Variants in TPGS2 observed in about 807,000 individuals in gnomAD.
TPGS2 encodes the protein tubulin polyglutamylase complex subunit 2.
A neutral mutation model predicts 31.1 loss-of-function variants in TPGS2; 26 were observed. The observed-to-expected ratio is 0.84, with a 90% CI of 0.61 to 1.16. The LOEUF (loss-of-function observed/expected upper bound fraction) is 1.16. Ranked by LOEUF, TPGS2 falls within the 50% of genes most tolerant of loss-of-function variation. The pLI is 0.00. For synonymous variants in TPGS2, 130 were observed against 136.6 expected (o/e 0.95, Z 0.34); for missense variants, 351 against 363.8 (o/e 0.96, Z 0.29).
At chr18:36,824,699 T>C (rs1045850234) in intron 1 of TPGS2, among the ~76,000 whole-genome samples, 2 of 152,234 alleles carry the variant, frequency 1.3e-5, no homozygotes, top group East Asian at 1.9e-4. Context: ...TCCTTTAAAA[T>C]TGAATTATTT....
intron 1 of TPGS2, among the ~76,000 whole-genome samples, chr18:36,820,551 A>G (rs551727246): frequency 5.3e-5 from 8 of 152,338 alleles, no homozygotes; most frequent in African/African-American, 1.7e-4. Flanking sequence ...TTCCATTTGT[A>G]TAATTCTCTG....
chr18:36,822,621 G>A (rs1419235208), intron 1 of TPGS2, among the ~76,000 whole-genome samples: 1 of 152,164 alleles, frequency 6.6e-6, no homozygotes, highest in East Asian at 1.9e-4. Flanking sequence ...TTAAGAGACA[G>A]GGTCTTGCTG....
At chr18:36,806,031 G>C (rs2045112763) in intron 3 of TPGS2, 1 of 152,106 alleles carries the variant, frequency 6.6e-6, no homozygotes, top group Non-Finnish European at 1.5e-5. Context: ...CTTGGTTCTA[G>C]TCTTCTGTGA....
intron 6 of TPGS2, chr18:36,787,203 T>C: frequency 9.4e-7 from 1 of 1,060,172 alleles, no homozygotes; most frequent in African/African-American, 1.6e-5. Context: ...GGGCCTTGTG[T>C]TCCTCTGTGT....
At chr18:36,783,337 A>G (rs1471808559) in intron 6 of TPGS2, among the ~76,000 whole-genome samples, 1 of 152,178 alleles carries the variant, frequency 6.6e-6, no homozygotes, top group Non-Finnish European at 1.5e-5. Context: ...CACTTGTAAG[A>G]TACTATTCCT....
Position 36,794,232 on chromosome 18 carries a change from G to T in TPGS2, c.*2573C>A. 1 of 959,300 alleles carries T rather than the reference G, an allele frequency of 1.0e-6. No homozygotes were observed. Among genetic ancestry groups the T allele is most frequent in the Non-Finnish European group, 1.2e-6 (1 of 806,238 alleles). The allele number at this position is 959,300 out of a possible 1,614,324, so 59.4% of individuals were successfully genotyped here. On this transcript the variant is annotated 3_prime_UTR_variant, in exon 7 of 7. Coordinates refer to ENST00000334295, the MANE Select transcript of TPGS2 (RefSeq NM_015476.4). ...ACATTACATTTTAGTACCTGTAAAG[G>T]TAATGTTTTCCTGCTGTTTGCACAA...
rs201069838 is a variant in TPGS2, at chr18:36,818,976, G to C, written c.86-3C>G. 5.0e-6 allele frequency: 8 copies of C among 1,610,174 alleles called. No individual in the cohort carries two copies. In the African/African-American group the frequency reaches 1.1e-4, roughly 22 times the overall value. On this transcript the variant is annotated splice_region_variant and splice_polypyrimidine_tract_variant and intron_variant, in intron 1 of 6. Coordinates refer to ENST00000334295, the MANE Select transcript of TPGS2 (RefSeq NM_015476.4). ...CTCAGTCACACCTGGGGAAGATTCTGGAAGAGAAAAAAGAGTCTGTAGAGT... is the reference window on the plus strand; with the variant it reads ...CTCAGTCACACCTGGGGAAGATTCTCGAAGAGAAAAAAGAGTCTGTAGAGT...
chr18:36,815,238 A>G (rs918274197), intron 2 of TPGS2, among the ~76,000 whole-genome samples: 11 of 152,166 alleles, frequency 7.2e-5, no homozygotes, highest in Admixed American at 2.6e-4. Context: ...TCCTGTGTCA[A>G]CATGCTCTTC....
At position 36,795,566 on chromosome 18, in the gene TPGS2, A is replaced by C; in HGVS notation, c.*1239T>G. 1.0e-6 allele frequency: 1 copy of C among 985,476 alleles called. No individual in the cohort carries two copies. The highest frequency in any genetic ancestry group is 1.7e-5 in the African/African-American group (1 of 57,368). 61.0% of individuals were successfully genotyped at this position (985,476 alleles called of 1,614,324 possible). The stretch of plus-strand genomic sequence containing the variant: ...CACAGCCAGGACTGTAGAGGGAGGA[A>C]ATAAATAGGCATTCCTAATTGAAAA... On this transcript the variant is annotated 3_prime_UTR_variant, in exon 7 of 7. Coordinates refer to ENST00000334295, the MANE Select transcript of TPGS2 (RefSeq NM_015476.4).
downstream of TPGS2, chr18:36,789,911 C>G (rs949535077): frequency 6.5e-6 from 1 of 153,484 alleles, no homozygotes; most frequent in Admixed American, 6.5e-5. Context: ...TCTCCAGCCA[C>G]GTGAAACTGT....
chr18:36,792,606 C>T (rs780687544), downstream of TPGS2, among the ~76,000 whole-genome samples: 24 of 152,112 alleles, frequency 1.6e-4, no homozygotes, highest in Non-Finnish European at 2.5e-4. Flanking sequence ...TCATTGTCAC[C>T]ACTTCAGTTG....
rs1485930141 is a variant in TPGS2 at position 36,796,916 on chromosome 18, T to C, written c.792A>G (p.Lys264=). ...GGCCACCTGCAGGCTGCACAGGCCC[T>C]TTCTTTTTTGGGATTACGATCTTGT... ...SKNKIVIPKK[K]GPVQPAGGQK... Residue 264 remains lysine (K), a synonymous_variant, in exon 7 of 7, where the codon AAA becomes AAG. Transcript: ENST00000334295. The C allele has an allele frequency of 4.3e-6, 7 of 1,609,984 alleles. No homozygotes were observed. The highest frequency in any genetic ancestry group is 5.9e-6 in the Non-Finnish European group (7 of 1,178,744).
In TPGS2 at chr18:36,795,295, T is replaced by A; in HGVS notation, c.*1510A>T. The A allele has an allele frequency of 2.0e-6, 2 of 985,462 alleles. No homozygotes were observed. Among genetic ancestry groups the A allele is most frequent in the Non-Finnish European group, 2.4e-6 (2 of 829,988 alleles). The allele number at this position is 985,462 out of a possible 1,614,324, so 61.0% of individuals were successfully genotyped here. ...GGGAAACCCTGGGTCGATTAGCAGG[T>A]AGACAGTGCAAAGGAAGGAAGTCTG... On this transcript the variant is annotated 3_prime_UTR_variant, in exon 7 of 7. Transcript: ENST00000334295.
At chr18:36,798,004 A>C (rs2044616810) in intron 6 of TPGS2, 2 of 244,652 alleles carry the variant, frequency 8.2e-6, no homozygotes, top group Admixed American at 5.5e-5. Context: ...TTTAGAAAAA[A>C]GGAACACCAA....
At chr18:36,821,882 A>G (rs541759771) in intron 1 of TPGS2, among the ~76,000 whole-genome samples, 13 of 152,306 alleles carry the variant, frequency 8.5e-5, no homozygotes, top group African/African-American at 2.6e-4. Context: ...TAGACTGGTT[A>G]GCTAAAGACC....
chr18:36,822,930 T>C (rs905771334), intron 1 of TPGS2, among the ~76,000 whole-genome samples: 1 of 152,352 alleles, frequency 6.6e-6, no homozygotes, highest in East Asian at 1.9e-4. Context: ...ATGACAGTTA[T>C]GTTTGGTCTA....
At chr18:36,819,315 AAAG>A (rs1336997442) in intron 1 of TPGS2, among the ~76,000 whole-genome samples, 1 of 152,236 alleles carries the variant, frequency 6.6e-6, no homozygotes, top group Non-Finnish European at 1.5e-5. Context: ...TACTCAGGAT[AAAG>A]TGAAAAGAAA....
At chr18:36,804,129 A>T (rs2044984992) in intron 4 of TPGS2, among the ~76,000 whole-genome samples, 1 of 152,138 alleles carries the variant, frequency 6.6e-6, no homozygotes, top group Non-Finnish European at 1.5e-5. Context: ...CTCCCGGCTT[A>T]CTGTGTATTC....
downstream of TPGS2, among the ~76,000 whole-genome samples, chr18:36,790,754 T>A (rs768118587): frequency 1.9e-4 from 29 of 152,260 alleles, no homozygotes; most frequent in Non-Finnish European, 3.4e-4. Context: ...ACAGCATTTT[T>A]ACTTTTTTCT....
Sources: gnomAD v4.1 joint callset for allele counts (sites outside exome capture counted in the v4.1 genomes callset) on GRCh38, gnomAD v4.1.1 for gene constraint, MANE v1.5 for transcripts, NCBI Gene and HGNC (gene_info 2026-07-23, HGNC 2026-07-21) for gene names.